Variants in KNG1 observed in about 807,000 individuals in gnomAD.
KNG1 encodes kininogen-1.
In KNG1, 23 loss-of-function variants were observed where a neutral mutation model predicts 47.8. The observed-to-expected ratio is 0.48, with a 90% CI of 0.35 to 0.68. The LOEUF (loss-of-function observed/expected upper bound fraction) is 0.68, where lower values mean the gene tolerates loss of function less well. KNG1 is among the 30% of genes least tolerant of loss of function. KNG1 has a pLI of 0.01. For synonymous variants in KNG1, 277 were observed against 277.0 expected, an observed-to-expected ratio of 1.00 and a Z score of 0.00; for missense variants, 762 against 790.2, an observed-to-expected ratio of 0.96 and a Z score of 0.43.
At chr3:186,717,773 G>A in intron 1 of KNG1, 36 bp downstream of exon 1, 1 of 1,493,726 alleles carries the variant, frequency 6.7e-7, no homozygotes, top group Non-Finnish European at 9.3e-7. Flanking sequence ...AGTCACTTGG[G>A]ATTTGTACTA....
chr3:186,737,936 A>G (rs946821071), intron 7 of KNG1, among the ~76,000 whole-genome samples: 8 of 152,062 alleles, frequency 5.3e-5, no homozygotes, highest in South Asian at 4.2e-4. Flanking sequence ...AATGGAAGAT[A>G]GTGTTGAGTA....
Position 186,741,702 on chromosome 3 carries a change from CAAAG to C in KNG1, c.1310_1313del (p.Arg437AsnfsTer114). On this transcript the variant is annotated frameshift_variant, in exon 10 of 10. Transcript: ENST00000644859. LOFTEE classifies it low-confidence loss of function (END_TRUNC). Reference sequence around the variant, plus strand: ...TAGACATGACTGGGGCCATGAAAAACAAAGAAAACATAATCTTGGCCATGGCCAT... The same window carrying C: ...TAGACATGACTGGGGCCATGAAAAACAAAACATAATCTTGGCCATGGCCAT... 2 of 1,614,180 alleles carry C rather than the reference CAAAG, an allele frequency of 1.2e-6. No individual in the cohort carries two copies. Among genetic ancestry groups the C allele is most frequent in the East Asian group, 4.5e-5 (2 of 44,880 alleles).
intron 3 of KNG1, 78 bp from the exon 4 acceptor site, chr3:186,725,010 C>T: frequency 6.6e-7 from 1 of 1,515,236 alleles, no homozygotes; most frequent in Non-Finnish European, 9.0e-7. Context: ...CACGCCCAGC[C>T]TCTTCTTTGT....
chr3:186,741,286 G>C (rs1415184389), intron 9 of KNG1, among the ~76,000 whole-genome samples: 2 of 152,136 alleles, frequency 1.3e-5, no homozygotes, highest in Non-Finnish European at 2.9e-5. Flanking sequence ...GAGCCACCAT[G>C]CCTGGCTATT....
At chr3:186,736,100 T>A (rs192662291) in intron 7 of KNG1, 2 of 152,356 alleles carry the variant, frequency 1.3e-5, no homozygotes, top group East Asian at 3.9e-4. Context: ...AACATTCTAG[T>A]ATGCATATGT....
At position 186,717,685 on chromosome 3, in the gene KNG1, A is replaced by G. The variant is rs752213099; in HGVS notation, c.143A>G (p.Asn48Ser). 6 of 1,613,066 alleles carry G rather than the reference A, an allele frequency of 3.7e-6. No homozygotes were observed. In the African/African-American group the frequency reaches 8.0e-5, roughly 22 times the overall value. The part of the protein sequence containing the change: ...DAALKKYNSQ[N>S]QSNNQFVLYR... ...GCTCTGAAGAAATATAACAGTCAAA[A>G]CCAAAGTAACAACCAGTTTGTATTG... The change falls in exon 1 of 10, where the codon AAC becomes AGC. Residue 48 changes from asparagine (N) to serine (S), a missense_variant. By Grantham distance (46) the Asn-to-Ser change is conservative. Transcript: ENST00000644859.
chr3:186,722,140 A>T, intron 2 of KNG1: 1 of 187,378 alleles, frequency 5.3e-6, no homozygotes, highest in Non-Finnish European at 1.0e-5. Flanking sequence ...AAAAAAAAAA[A>T]ATAGGAAACA....
At position 186,742,133 on chromosome 3, in the gene KNG1, T is replaced by C. The variant is rs1237640612; in HGVS notation, c.1737T>C (p.Ala579=). The C allele has an allele frequency of 6.2e-7, 1 of 1,614,032 alleles. No homozygotes were observed. Among genetic ancestry groups the C allele is most frequent in the East Asian group, 2.2e-5 (1 of 44,866 alleles). The change falls in exon 10 of 10, where the codon GCT becomes GCC. Residue 579 remains alanine (A), a synonymous_variant. Coordinates refer to ENST00000644859, the MANE Select transcript of KNG1 (RefSeq NM_001102416.3). ...CTATGATGCCTCCTATATCACCAGC[T>C]CCCATACAGAGTGATGACGATTGGA... ...IATMMPPISP[A]PIQSDDDWIP...
At chr3:186,724,192 T>C (rs1720284965) in intron 3 of KNG1, among the ~76,000 whole-genome samples, 1 of 152,204 alleles carries the variant, frequency 6.6e-6, no homozygotes, top group African/African-American at 2.4e-5. Flanking sequence ...ATTTACATTC[T>C]TACCAACAGT....
chr3:186,725,173 T>C lies in KNG1; in HGVS notation c.477T>C (p.Ile159=), dbSNP rs1720322706. The change falls in exon 4 of 10, where the codon ATT becomes ATC. Residue 159 remains isoleucine (I), a synonymous_variant. Transcript: ENST00000644859. ...ISTQSPDLEP[I]LRHGIQYFNN... ...CGCAGAGCCCAGACCTGGAGCCCAT[T>C]CTGAGACACGGCATTCAGTACTTTA... 2 of 1,614,176 alleles carry C rather than the reference T, an allele frequency of 1.2e-6. No homozygotes were observed. The highest frequency in any genetic ancestry group is 1.3e-5 in the African/African-American group (1 of 75,038).
chr3:186,731,622 T>G lies in KNG1; in HGVS notation c.750T>G (p.Ile250Met), dbSNP rs1425654306. The change falls in exon 6 of 10, where the codon ATT (isoleucine) becomes ATG (methionine). Residue 250 changes from isoleucine to methionine, a missense_variant. Ile to Met is a conservative substitution (Grantham distance 10). Transcript: ENST00000644859. ...RIASFSQNCD[I>M]YPGKDFVQPP... ...CTTCCTTCTCACAGAACTGTGACAT[T>G]TATCCAGGTAAGGAATAACACATGT... The G allele has an allele frequency of 6.3e-7, 1 of 1,590,478 alleles. No homozygotes were observed. Among genetic ancestry groups the G allele is most frequent in the African/African-American group, 1.3e-5 (1 of 74,580 alleles).
rs762850228 is a variant in KNG1 at position 186,741,976 on chromosome 3, C to T, written c.1580C>T (p.Ser527Phe). The part of the protein sequence containing the change: ...NGWKTEHLAS[S>F]SEDSTTPSAQ... ...TGGAAAACAGAGCATTTGGCAAGCT[C>T]TTCTGAAGACAGTACTACACCTTCT... The change falls in exon 10 of 10, where the codon TCT becomes TTT. Residue 527 changes from serine to phenylalanine, a missense_variant. Ser to Phe is a radical substitution (Grantham distance 155, BLOSUM62 -2). Coordinates refer to ENST00000644859, the MANE Select transcript of KNG1 (RefSeq NM_001102416.3). 1.1e-5 allele frequency: 18 copies of T among 1,614,120 alleles called. No homozygotes were observed. Among genetic ancestry groups the T allele is most frequent in the Non-Finnish European group, 8.5e-7 (1 of 1,180,056 alleles).
intron 7 of KNG1, among the ~76,000 whole-genome samples, chr3:186,733,729 G>A (rs960382377): frequency 7.2e-5 from 11 of 152,162 alleles, no homozygotes; most frequent in African/African-American, 2.4e-4. Flanking sequence ...AGCACTTTGG[G>A]AGGCTGAGGC....
intron 2 of KNG1, chr3:186,722,117 CAAAAAAAA>C (rs56170982): frequency 0.013 from 1,803 of 142,328 alleles, 2 homozygotes; most frequent in South Asian, 0.033. Flanking sequence ...CACTCTGTCT[CAAAAAAAA>C]AAAAAAAAAA....
At chr3:186,727,101 A>T in intron 4 of KNG1, 136 bp from the exon 5 acceptor site, 1 of 679,934 alleles carries the variant, frequency 1.5e-6, no homozygotes, top group Non-Finnish European at 2.6e-6. Context: ...TTTTTTGCCT[A>T]GTAATAATAA....
At chr3:186,720,300 T>C in intron 2 of KNG1, 85 bp downstream of exon 2, 1 of 817,838 alleles carries the variant, frequency 1.2e-6, no homozygotes, top group Non-Finnish European at 2.1e-6. Flanking sequence ...TGATGGCTAC[T>C]GGTGAGCCTG....
intron 3 of KNG1, 22 bp from the exon 4 acceptor site, chr3:186,725,065 GT>G (rs766016718): frequency 1.2e-6 from 2 of 1,613,454 alleles, no homozygotes; most frequent in South Asian, 1.1e-5. Context: ...TTAATGCTGT[GT>G]TTTTGTCTGC....
At chr3:186,739,745 T>A (rs923512026) in intron 9 of KNG1, among the ~76,000 whole-genome samples, 2 of 152,216 alleles carry the variant, frequency 1.3e-5, no homozygotes, top group African/African-American at 4.8e-5. Context: ...TCTGCTGACA[T>A]GCAAGGACCA....
intron 7 of KNG1, chr3:186,738,503 G>A (rs1345318950): frequency 6.6e-6 from 1 of 152,242 alleles, no homozygotes; most frequent in Non-Finnish European, 1.5e-5. Context: ...TGAATTACTA[G>A]TGAATTTAAC....
Sources: gnomAD v4.1 joint callset for allele counts (sites outside exome capture counted in the v4.1 genomes callset) on GRCh38, gnomAD v4.1.1 for gene constraint, MANE v1.5 for transcripts, NCBI Gene and HGNC (gene_info 2026-07-23, HGNC 2026-07-21) for gene names.